The following NLRP3 variants were observed in gnomAD, a reference collection of about 807,000 sequenced individuals.
NLRP3 encodes the protein NLR family pyrin domain containing 3, also known as NACHT, LRR and PYD domains-containing protein 3.
A neutral mutation model predicts 91.3 loss-of-function variants in NLRP3; 48 were observed. The observed-to-expected ratio is 0.53, with a 90% confidence interval of 0.42 to 0.67. The LOEUF is 0.67. Ranked by LOEUF, NLRP3 falls within the 30% of genes least tolerant of loss-of-function variation. NLRP3 has a pLI of 0.00. For missense variants in NLRP3, 982 were observed against 1,276.9 expected (o/e 0.77, Z 3.52); for synonymous variants, 561 against 507.9 (o/e 1.10, Z -1.41).
At chr1:247,434,433 G>A (rs1346750911) in intron 6 of NLRP3, among the ~76,000 whole-genome samples, 160 bp downstream of exon 6, 3 of 152,202 alleles carry the variant, frequency 2.0e-5, no homozygotes, top group Non-Finnish European at 4.4e-5. Flanking sequence ...TGCGGTCAGT[G>A]AGTGTTTGTC....
intron 9 of NLRP3, 70 bp from the exon 10 acceptor site, chr1:247,448,335 C>A: frequency 9.6e-6 from 6 of 626,500 alleles, no homozygotes; most frequent in Non-Finnish European, 1.8e-5. Context: ...AGAGATGAGA[C>A]TTTTAAGGTT....
At chr1:247,444,279 A>T (rs1226657628) in intron 8 of NLRP3, 137 bp downstream of exon 8, 1 of 942,636 alleles carries the variant, frequency 1.1e-6, no homozygotes, top group Non-Finnish European at 1.7e-6. Flanking sequence ...TTACAGGATC[A>T]TGGGACTGGG....
In NLRP3 at chr1:247,424,930, A is replaced by G; in HGVS notation, c.1481A>G (p.Lys494Arg). The G allele has an allele frequency of 6.2e-7, 1 of 1,613,658 alleles. No homozygotes were observed. The highest frequency in any genetic ancestry group is 8.5e-7 in the Non-Finnish European group (1 of 1,180,028). ...ESDLRNHGLQ[K>R]ADVSAFLRMN... is the part of the protein sequence containing the mutation. ...GACCTCAGGAATCATGGACTGCAGA[A>G]GGCGGATGTGTCTGCTTTCCTGAGG... The change falls in exon 4 of 10, where the codon AAG becomes AGG. Residue 494 changes from lysine to arginine, a missense_variant. Lys to Arg is a conservative substitution (Grantham distance 26, BLOSUM62 2). Transcript: ENST00000336119. This position sits in a 1 kb window ranked among gnomAD's most constrained non-coding sequence, Gnocchi z 8.1.
chr1:247,448,325 A>G, intron 9 of NLRP3, 80 bp from the exon 10 acceptor site: 2 of 742,826 alleles, frequency 2.7e-6, no homozygotes, highest in African/African-American at 1.8e-5. Context: ...AGGGAAATGA[A>G]GAGATGAGAC....
At chr1:247,447,109 C>T (rs56383829) in intron 9 of NLRP3, among the ~76,000 whole-genome samples, 82,176 of 152,066 alleles carry the variant, frequency 0.54, 22,654 homozygotes, top group Middle Eastern at 0.68. Flanking sequence ...TCTCAGGCTG[C>T]GATAACAAGC....
chr1:247,424,853 CTCTTTG>C lies in NLRP3; in HGVS notation c.1405_1410del (p.Ser469_Leu470del). 1 of 1,608,276 alleles carries C rather than the reference CTCTTTG, an allele frequency of 6.2e-7. No homozygotes were observed. The highest frequency in any genetic ancestry group is 8.5e-7 in the Non-Finnish European group (1 of 1,179,988). On this transcript the variant is annotated inframe_deletion, in exon 4 of 10. Coordinates refer to ENST00000336119, the MANE Select transcript of NLRP3 (RefSeq NM_001243133.2). This position sits in a 1 kb window ranked among gnomAD's most constrained non-coding sequence, Gnocchi z 8.1. ...TCTGCGCCCACCTCTGGGGGCTCTG[CTCTTTG>C]GCTGCAGATGGAATCTGGAACCAGA...
intron 7 of NLRP3, among the ~76,000 whole-genome samples, chr1:247,442,534 T>G (rs1170301281): frequency 6.6e-6 from 1 of 152,130 alleles, no homozygotes; most frequent in Non-Finnish European, 1.5e-5. Context: ...TTTTGGGGTT[T>G]TATGCTCTAA....
At chr1:247,444,233 T>C in intron 8 of NLRP3, 91 bp downstream of exon 8, 5 of 1,314,360 alleles carry the variant, frequency 3.8e-6, no homozygotes, top group Non-Finnish European at 5.5e-6. Context: ...ATAATCTGTA[T>C]CTTAGAAGTG....
At chr1:247,437,853 G>T (rs1448173599) in intron 7 of NLRP3, among the ~76,000 whole-genome samples, 1 of 152,248 alleles carries the variant, frequency 6.6e-6, no homozygotes, top group Admixed American at 6.5e-5. Context: ...CAGGTGCTCA[G>T]TGAAGCGTGG....
chr1:247,431,569 C>A (rs12128192), intron 5 of NLRP3, among the ~76,000 whole-genome samples: 4 of 152,124 alleles, frequency 2.6e-5, no homozygotes, highest in African/African-American at 9.7e-5. Flanking sequence ...ATGGGGTTTG[C>A]GTTTGTTTGT....
chr1:247,420,376 T>G (rs950439742), intron 2 of NLRP3, among the ~76,000 whole-genome samples: 1 of 152,198 alleles, frequency 6.6e-6, no homozygotes, highest in African/African-American at 2.4e-5. Context: ...TTTCATTTGG[T>G]TAACTGTGTC....
chr1:247,420,434 C>A (rs974578362), intron 2 of NLRP3, among the ~76,000 whole-genome samples: 1 of 151,454 alleles, frequency 6.6e-6, no homozygotes, highest in African/African-American at 2.4e-5. Flanking sequence ...TAAATCATGG[C>A]CGGGCATGGT....
chr1:247,448,543 T>C lies in NLRP3; in HGVS notation c.*39T>C. 2 of 1,272,194 alleles carry C rather than the reference T, an allele frequency of 1.6e-6. No homozygotes were observed. The highest frequency in any genetic ancestry group is 2.3e-6 in the Non-Finnish European group (2 of 867,838). The allele number at this position is 1,272,194 out of a possible 1,614,324, so 78.8% of individuals were successfully genotyped here. A position where few individuals can be genotyped will look rare whatever the true frequency, so the allele number is the denominator to read the frequency against. The stretch of plus-strand genomic sequence containing the variant: ...GCTGCCAGACGCCAGTGTTCTCCGG[T>C]CCCTCCAGCTGGGGGCCCTCAGGTG... On this transcript the variant is annotated 3_prime_UTR_variant, in exon 10 of 10. Transcript: ENST00000336119.
At chr1:247,426,190 T>C (rs906312083) in intron 4 of NLRP3, among the ~76,000 whole-genome samples, 1 of 131,052 alleles carries the variant, frequency 7.6e-6, no homozygotes, top group Non-Finnish European at 1.8e-5. Flanking sequence ...CACAGTTTCC[T>C]TGGAAAAAAA....
Position 247,424,592 on chromosome 1 carries a change from C to G in NLRP3, c.1143C>G (p.Phe381Leu). 6.2e-7 allele frequency: 1 copy of G among 1,614,232 alleles called. No individual in the cohort carries two copies. Among genetic ancestry groups the G allele is most frequent in the Non-Finnish European group, 8.5e-7 (1 of 1,180,042 alleles). The change falls in exon 4 of 10, where the codon TTC (phenylalanine) becomes TTG (leucine). Residue 381 changes from phenylalanine to leucine, a missense_variant. Around this residue, in one of 5 missense-constraint regions of NLRP3, gnomAD observed 548 missense variants for 713.7 expected, o/e 0.77. Transcript: ENST00000336119. The surrounding 1 kb of genome is among the most constrained non-coding windows in gnomAD (Gnocchi z 8.1). ...AGGCCAAAAGGAAAGAGTACTTCTT[C>G]AAGTACTTCTCTGATGAGGCCCAAG... ...FSEAKRKEYF[F>L]KYFSDEAQAR...
intron 3 of NLRP3, 73 bp from the exon 4 acceptor site, chr1:247,423,774 C>A: frequency 7.4e-7 from 1 of 1,356,148 alleles, no homozygotes; most frequent in Non-Finnish European, 1.0e-6. Flanking sequence ...CTTCCGATGA[C>A]AGGCCCCAGC....
intron 9 of NLRP3, 112 bp downstream of exon 9, chr1:247,444,933 G>T (rs1376114773): frequency 3.5e-6 from 4 of 1,135,872 alleles, no homozygotes; most frequent in Non-Finnish European, 5.2e-6. Context: ...CTCAAGATTA[G>T]GTTGGGCCTG....
intron 3 of NLRP3, 45 bp downstream of exon 3, chr1:247,423,394 T>C: frequency 6.2e-7 from 1 of 1,612,046 alleles, no homozygotes; most frequent in Non-Finnish European, 8.5e-7. Flanking sequence ...TAAGACCTGG[T>C]TCAGGAGGCT....
chr1:247,444,577 T>C, intron 8 of NLRP3, 74 bp from the exon 9 acceptor site: 1 of 1,516,008 alleles, frequency 6.6e-7, no homozygotes, highest in Non-Finnish European at 9.2e-7. Flanking sequence ...CAAGACAGGC[T>C]AAGATGCTAA....
Sources: gnomAD v4.1 joint callset for allele counts (sites outside exome capture counted in the v4.1 genomes callset) on GRCh38, gnomAD v4.1.1 for gene constraint, gnomAD v4.1.1 regional missense constraint, Gnocchi (gnomAD v3.1) non-coding constraint, MANE v1.5 for transcripts, NCBI Gene and HGNC (gene_info 2026-07-23, HGNC 2026-07-21) for gene names.